HIBADH: variants seen among roughly 807,000 people sequenced by gnomAD.
HIBADH encodes the protein 3-hydroxyisobutyrate dehydrogenase.
Under a neutral mutation model 36.1 loss-of-function variants are expected in HIBADH, and 25 were observed. The observed-to-expected ratio is 0.69, with a 90% CI of 0.50 to 0.97. The LOEUF (loss-of-function observed/expected upper bound fraction) is 0.97, where lower values mean the gene tolerates loss of function less well. HIBADH is among the 50% of genes least tolerant of loss of function. HIBADH has a pLI of 0.00. For synonymous variants in HIBADH, 160 were observed against 149.5 expected (o/e 1.07, Z -0.51); for missense variants, 421 against 418.0 (o/e 1.01, Z -0.06).
At chr7:27,644,700 G>C (rs1393845196) in intron 2 of HIBADH, among the ~76,000 whole-genome samples, 1 of 151,830 alleles carries the variant, frequency 6.6e-6, no homozygotes, top group African/African-American at 2.4e-5. Flanking sequence ...AGGAGGTGGA[G>C]GTTGCAGTAG....
At position 27,649,455 on chromosome 7, in the gene HIBADH, C is replaced by A. The variant is rs1456058924; in HGVS notation, c.252+18G>T. On this transcript the variant is annotated intron_variant, in intron 2 of 7. Coordinates refer to ENST00000265395, the MANE Select transcript of HIBADH (RefSeq NM_152740.4). ...TTCATTCTCAAAATCTAAAACAAAT[C>A]TAAAGAAAAGGTCTTACCTGTTCAC... The A allele has an allele frequency of 6.4e-7, 1 of 1,552,622 alleles. No homozygotes were observed. Among genetic ancestry groups the A allele is most frequent in the Admixed American group, 1.9e-5 (1 of 51,750 alleles).
chr7:27,662,577 A>T, intron 1 of HIBADH, 121 bp downstream of exon 1: 1 of 523,192 alleles, frequency 1.9e-6, no homozygotes, highest in Non-Finnish European at 3.1e-6. Context: ...CAGCCAAAAT[A>T]TTGTTTTTTA....
intron 4 of HIBADH, among the ~76,000 whole-genome samples, chr7:27,549,607 A>C (rs999982421): frequency 2.6e-5 from 4 of 152,166 alleles, no homozygotes; most frequent in Non-Finnish European, 5.9e-5. Context: ...AGGAACAGTA[A>C]ATGAAGTAAT....
At chr7:27,658,313 A>T (rs1160244025) in intron 1 of HIBADH, among the ~76,000 whole-genome samples, 2 of 152,228 alleles carry the variant, frequency 1.3e-5, no homozygotes, top group African/African-American at 2.4e-5. Flanking sequence ...GGAGAAAATC[A>T]ATCAACCAAA....
chr7:27,620,151 C>G (rs1046340509), intron 4 of HIBADH, among the ~76,000 whole-genome samples: 1 of 151,974 alleles, frequency 6.6e-6, no homozygotes, highest in Admixed American at 6.6e-5. Flanking sequence ...GAGATTCCAT[C>G]ACTACAAAAC....
rs183094513 is a variant in HIBADH, at chr7:27,635,730, G to C, written c.253-3285C>G. Among the ~76,000 whole-genome samples the C allele has an allele frequency of 1.6e-3, 239 of 152,302 alleles. 1 individual carries two copies. The highest frequency in any genetic ancestry group is 5.4e-3 in the African/African-American group (223 of 41,556). On this transcript the variant is annotated intron_variant, in intron 2 of 7. Transcript: ENST00000265395. ...CAGGTTTTCAACACCTCCATAACTG[G>C]GGATGGTCATTGGCCTGGCTGACTC...
intron 4 of HIBADH, among the ~76,000 whole-genome samples, chr7:27,594,149 TTTG>T (rs994302705): frequency 2.7e-5 from 4 of 150,016 alleles, no homozygotes; most frequent in East Asian, 1.9e-4. Context: ...TTTTTGTTTT[TTTG>T]TTTTTTTTCT....
chr7:27,644,322 G>T (rs189283173), intron 2 of HIBADH, among the ~76,000 whole-genome samples: 4 of 151,694 alleles, frequency 2.6e-5, no homozygotes, highest in Non-Finnish European at 5.9e-5. Flanking sequence ...AAAATTGGCC[G>T]GGCACGGTGG....
chr7:27,612,702 C>A (rs71539530), intron 4 of HIBADH, among the ~76,000 whole-genome samples: 6 of 151,482 alleles, frequency 4.0e-5, no homozygotes, highest in Admixed American at 3.9e-4. Flanking sequence ...GGGAGGCCAA[C>A]GCAGGAGGAT....
chr7:27,574,299 A>ATT (rs70994662), intron 4 of HIBADH, among the ~76,000 whole-genome samples: 6,989 of 150,060 alleles, frequency 0.047, 514 homozygotes, highest in African/African-American at 0.16. Context: ...ATAGCAGGTG[A>ATT]TTTTTTTTTT....
chr7:27,662,772 C>G lies in HIBADH; in HGVS notation c.17G>C (p.Arg6Pro), dbSNP rs1440905235. The G allele has an allele frequency of 2.7e-6, 4 of 1,462,904 alleles. No homozygotes were observed. The highest frequency in any genetic ancestry group is 3.6e-6 in the Non-Finnish European group (4 of 1,106,614). The allele number at this position is 1,462,904 out of a possible 1,614,324, so 90.6% of individuals were successfully genotyped here. The stretch of plus-strand genomic sequence containing the variant: ...GAGACCGGAGGCAGCTCCGAGGAGC[C>G]GTAAGGAGGCTGCCATGCTGCGCCC... MAASL[R>P]LLGAASGLRY... is the part of the protein sequence containing the mutation. Residue 6 changes from arginine to proline, a missense_variant, in exon 1 of 8, where the codon CGG becomes CCG. Physicochemically the swap from Arg to Pro is moderately radical, Grantham distance 103. Transcript: ENST00000265395.
rs984639020 is a variant in HIBADH at position 27,662,850 on chromosome 7, G to A, written c.-62C>T. 7.7e-6 allele frequency: 10 copies of A among 1,291,900 alleles called. No individual in the cohort carries two copies. The highest frequency in any genetic ancestry group is 3.2e-5 in the South Asian group (2 of 63,192). 80.0% of individuals were successfully genotyped at this position (1,291,900 alleles called of 1,614,324 possible). On this transcript the variant is annotated 5_prime_UTR_variant, in exon 1 of 8. Coordinates refer to ENST00000265395, the MANE Select transcript of HIBADH (RefSeq NM_152740.4). ...GCCTCCCGGAGGGCCCACAGACTGC[G>A]AGCGTGTGCAGCGGGACTGGCTGGC...
chr7:27,557,205 T>G (rs1784403930), intron 4 of HIBADH, among the ~76,000 whole-genome samples: 1 of 152,056 alleles, frequency 6.6e-6, no homozygotes, highest in Non-Finnish European at 1.5e-5. Context: ...TTAAGGTTTT[T>G]TTTTTAAGAA....
chr7:27,568,778 T>G (rs974698879), intron 4 of HIBADH, among the ~76,000 whole-genome samples: 1 of 152,152 alleles, frequency 6.6e-6, no homozygotes, highest in South Asian at 2.1e-4. Context: ...CAACATTTTT[T>G]CTATGTGTCT....
intron 4 of HIBADH, among the ~76,000 whole-genome samples, chr7:27,561,634 A>C (rs887104649): frequency 4.6e-5 from 7 of 152,086 alleles, no homozygotes; most frequent in African/African-American, 4.8e-5. Context: ...CACCTGATCA[A>C]ATTTATTCAA....
chr7:27,575,161 A>C (rs1014518761), intron 4 of HIBADH, among the ~76,000 whole-genome samples: 1 of 152,178 alleles, frequency 6.6e-6, no homozygotes, highest in Non-Finnish European at 1.5e-5. Flanking sequence ...TTTAATTGGA[A>C]ATTTTAGCAC....
chr7:27,651,604 G>A (rs1786197247), intron 1 of HIBADH, among the ~76,000 whole-genome samples: 1 of 152,160 alleles, frequency 6.6e-6, no homozygotes, highest in Non-Finnish European at 1.5e-5. Flanking sequence ...TCAGCAACTA[G>A]GAAGATTATA....
intron 2 of HIBADH, among the ~76,000 whole-genome samples, chr7:27,648,883 T>C (rs1786124658): frequency 6.6e-6 from 1 of 152,210 alleles, no homozygotes; most frequent in Non-Finnish European, 1.5e-5. Context: ...TCCTGGTTTA[T>C]GGCCAATAAC....
chr7:27,608,085 C>G (rs1182540973), intron 4 of HIBADH, among the ~76,000 whole-genome samples: 1 of 152,116 alleles, frequency 6.6e-6, no homozygotes, highest in African/African-American at 2.4e-5. Context: ...CAATGTCCTC[C>G]TAGAGGCTGT....
Sources: allele counts gnomAD v4.1 joint callset (sites outside exome capture counted in the v4.1 genomes callset), GRCh38; gene constraint gnomAD v4.1.1; transcripts MANE v1.5; gene names NCBI Gene and HGNC (gene_info 2026-07-23, HGNC 2026-07-21).